The following DNAH14 variants were observed in gnomAD, a reference collection of about 807,000 sequenced individuals.
The protein encoded by DNAH14 is dynein axonemal heavy chain 14, also known as axonemal beta dynein heavy chain 14.
A neutral mutation model predicts 520.9 loss-of-function variants in DNAH14; 478 were observed. The observed-to-expected ratio is 0.92, with a 90% CI of 0.85 to 0.99. The LOEUF (loss-of-function observed/expected upper bound fraction) is 0.99. Ranked by LOEUF, DNAH14 falls within the 50% of genes least tolerant of loss-of-function variation. The probability of loss-of-function intolerance (pLI) is 0.00; values close to 1 mark genes in which losing one functional copy is unlikely to be tolerated. For missense variants in DNAH14, 4,831 were observed against 5,234.5 expected (o/e 0.92, Z 2.38); for synonymous variants, 1,581 against 1,757.2 (o/e 0.90, Z 2.51).
chr1:225,005,208 G>A (rs1199930761), intron 9 of DNAH14, among the ~76,000 whole-genome samples: 1 of 152,098 alleles, frequency 6.6e-6, no homozygotes, highest in Non-Finnish European at 1.5e-5. Context: ...GGTGAAGTTT[G>A]TTTTATTGAG....
At chr1:225,080,886 A>G (rs948233876) in intron 19 of DNAH14, 138 bp downstream of exon 19, 4 of 853,938 alleles carry the variant, frequency 4.7e-6, no homozygotes, top group Non-Finnish European at 6.7e-6. Context: ...ATACAGGAGT[A>G]TAGGTAGGAA....
chr1:224,937,094 G>T (rs566275619), intron 1 of DNAH14, among the ~76,000 whole-genome samples: 3 of 151,652 alleles, frequency 2.0e-5, no homozygotes, highest in Non-Finnish European at 4.4e-5. Context: ...ATATATGACA[G>T]ACCTACAGCC....
At chr1:225,236,832 C>T (rs948720085) in intron 42 of DNAH14, among the ~76,000 whole-genome samples, 1 of 152,054 alleles carries the variant, frequency 6.6e-6, no homozygotes, top group Non-Finnish European at 1.5e-5. Context: ...TGTTTGTGTC[C>T]ACTCTGATTT....
In DNAH14 at chr1:225,335,149, ACATGTGTG is replaced by A. The variant is rs371353636; in HGVS notation, c.10080+1659_10080+1666del. ...TACATATGTGCATGTGCACATGTGT[ACATGTGTG>A]CATGTGTGCATGTGTACATGTGCGC... On this transcript the variant is annotated intron_variant, in intron 66 of 85. Transcript: ENST00000682510. Among the ~76,000 whole-genome samples the A allele has an allele frequency of 3.0e-3, 434 of 142,944 alleles. 5 individuals are homozygous for A. In the East Asian group the frequency reaches 0.049, roughly 16 times the overall value. The allele number at this position is 142,944 out of a possible 152,430, so 93.8% of individuals were successfully genotyped here.
At chr1:225,187,934 G>A (rs73135016) in intron 37 of DNAH14, among the ~76,000 whole-genome samples, 1,980 of 151,570 alleles carry the variant, frequency 0.013, 37 homozygotes, top group African/African-American at 0.045. Context: ...GTCCAACTTC[G>A]TTCTTTTACA....
intron 41 of DNAH14, among the ~76,000 whole-genome samples, chr1:225,210,786 T>C (rs1263758041): frequency 6.6e-6 from 1 of 152,148 alleles, no homozygotes; most frequent in Non-Finnish European, 1.5e-5. Flanking sequence ...CCCTGTGGGA[T>C]GAAGCTTACA....
chr1:225,005,337 C>A (rs2064085920), intron 9 of DNAH14, among the ~76,000 whole-genome samples: 1 of 152,086 alleles, frequency 6.6e-6, no homozygotes, highest in Non-Finnish European at 1.5e-5. Flanking sequence ...AACTGTTAGG[C>A]AGGATAAATT....
At chr1:225,153,962 A>T (rs1019198105) in intron 34 of DNAH14, 136 bp downstream of exon 34, 1 of 541,218 alleles carries the variant, frequency 1.8e-6, no homozygotes, top group African/African-American at 2.0e-5. Flanking sequence ...GGCAGAGATT[A>T]TTTAAGAATA....
chr1:225,323,148 C>T (rs943056709), intron 62 of DNAH14, among the ~76,000 whole-genome samples: 1 of 152,084 alleles, frequency 6.6e-6, no homozygotes, highest in Non-Finnish European at 1.5e-5. Context: ...CTCAGTGAGC[C>T]CCAGCATGCC....
chr1:225,151,154 A>AT (rs2080464278), intron 31 of DNAH14, among the ~76,000 whole-genome samples: 1 of 152,120 alleles, frequency 6.6e-6, no homozygotes, highest in Admixed American at 6.5e-5. Flanking sequence ...AAAAGCAAAA[A>AT]TTTTTTCTCT....
chr1:225,096,837 T>G (rs2075022699), intron 21 of DNAH14, among the ~76,000 whole-genome samples: 1 of 152,164 alleles, frequency 6.6e-6, no homozygotes, highest in Non-Finnish European at 1.5e-5. Context: ...GTGCTAGACA[T>G]TCATGTTAAT....
chr1:225,278,396 C>A (rs529725425), intron 54 of DNAH14, among the ~76,000 whole-genome samples: 16 of 152,262 alleles, frequency 1.1e-4, no homozygotes, highest in Admixed American at 5.9e-4. Flanking sequence ...GTATTTCAAA[C>A]CTGCATATTT....
chr1:225,206,722 G>A (rs1210203747), intron 40 of DNAH14, among the ~76,000 whole-genome samples: 1 of 152,062 alleles, frequency 6.6e-6, no homozygotes, highest in Non-Finnish European at 1.5e-5. Flanking sequence ...CATACACATA[G>A]CCTCAATACA....
At chr1:225,054,087 G>A (rs780212161) in intron 17 of DNAH14, among the ~76,000 whole-genome samples, 2 of 152,142 alleles carry the variant, frequency 1.3e-5, no homozygotes, top group East Asian at 1.9e-4. Flanking sequence ...CGTTAATGCC[G>A]GGTCAGACAG....
rs545545647 is a variant in DNAH14, at chr1:225,303,711, A to G, written c.8823+364A>G. ...CCTTGTAAATTGCTCTGGCTTGGCT[A>G]CAAATAGCAAGTCAGCAAAGCAGTG... On this transcript the variant is annotated intron_variant, in intron 57 of 85. Transcript: ENST00000682510. 1.5e-3 allele frequency among the ~76,000 whole-genome samples: 230 copies of G among 152,318 alleles called. 2 individuals carry two copies. Among genetic ancestry groups the G allele is most frequent in the African/African-American group, 5.2e-3 (216 of 41,570 alleles).
chr1:225,335,382 T>C (rs1480771585), intron 66 of DNAH14, among the ~76,000 whole-genome samples: 1 of 64,764 alleles, frequency 1.5e-5, no homozygotes, highest in South Asian at 6.7e-4. Context: ...TGTGTGTATA[T>C]GCACATATAC....
At chr1:225,230,222 G>A (rs1332449877) in intron 41 of DNAH14, among the ~76,000 whole-genome samples, 1 of 152,074 alleles carries the variant, frequency 6.6e-6, no homozygotes, top group Non-Finnish European at 1.5e-5. Flanking sequence ...AACAATGGAT[G>A]AATGGCTTAA....
At chr1:225,166,512 A>G (rs1488660343) in intron 35 of DNAH14, among the ~76,000 whole-genome samples, 2 of 152,190 alleles carry the variant, frequency 1.3e-5, no homozygotes, top group Non-Finnish European at 2.9e-5. Flanking sequence ...GGAGTGATCC[A>G]ATTTTTTATT....
chr1:225,106,468 C>A (rs974640496), intron 23 of DNAH14, among the ~76,000 whole-genome samples: 9 of 152,166 alleles, frequency 5.9e-5, no homozygotes, highest in Non-Finnish European at 1.3e-4. Flanking sequence ...TAATATCCTG[C>A]AGAGTGTTTT....
Sources: allele counts gnomAD v4.1 joint callset (sites outside exome capture counted in the v4.1 genomes callset), GRCh38; gene constraint gnomAD v4.1.1; transcripts MANE v1.5; gene names NCBI Gene and HGNC (gene_info 2026-07-23, HGNC 2026-07-21).